The following SWAP70 variants were observed in gnomAD, a reference collection of about 807,000 sequenced individuals.
SWAP70 encodes the protein switch-associated protein 70.
SWAP70 carries 34 observed loss-of-function variants against 80.2 expected under a neutral mutation model. The ratio of observed to expected loss-of-function variants is 0.42; its 90% CI spans 0.32 to 0.56. The LOEUF (loss-of-function observed/expected upper bound fraction) is 0.56, where lower values mean the gene tolerates loss of function less well. Ranked by LOEUF, SWAP70 falls within the 20% of genes least tolerant of loss-of-function variation. The probability of loss-of-function intolerance (pLI) is 0.09; values close to 1 mark genes in which losing one functional copy is unlikely to be tolerated. For synonymous variants in SWAP70, 239 were observed against 238.5 expected (o/e 1.00, Z -0.02); for missense variants, 578 against 690.7 (o/e 0.84, Z 1.83).
Position 9,664,125 on chromosome 11 carries a change from G to A in SWAP70, c.-55G>A. 1.3e-6 allele frequency: 2 copies of A among 1,505,952 alleles called. No individual in the cohort carries two copies. Among genetic ancestry groups the A allele is most frequent in the Non-Finnish European group, 1.8e-6 (2 of 1,122,458 alleles). 93.3% of individuals were successfully genotyped at this position (1,505,952 alleles called of 1,614,324 possible). A position where few individuals can be genotyped will look rare whatever the true frequency, so the allele number is the denominator to read the frequency against. ...GCTGCGGAGGTTGAGGGGCGTCCGA[G>A]GCGCGGAGGGGCTGGCTGGGCAGGA... On this transcript the variant is annotated 5_prime_UTR_variant, in exon 1 of 12. Coordinates refer to ENST00000318950, the MANE Select transcript of SWAP70 (RefSeq NM_015055.4).
intron 2 of SWAP70, among the ~76,000 whole-genome samples, chr11:9,712,850 C>T (rs1484302238): frequency 6.6e-6 from 1 of 151,782 alleles, no homozygotes; most frequent in African/African-American, 2.4e-5. Flanking sequence ...GCATGCGCCA[C>T]CACGCCCGGC....
intron 9 of SWAP70, among the ~76,000 whole-genome samples, chr11:9,744,192 G>C (rs1851480942): frequency 1.3e-5 from 2 of 152,154 alleles, no homozygotes; most frequent in South Asian, 4.1e-4. Flanking sequence ...TTGATCTCCT[G>C]ACCTCGTGAT....
Position 9,685,173 on chromosome 11 carries a change from G to A in SWAP70, c.100-8973G>A, listed in dbSNP as rs1054386632. On this transcript the variant is annotated intron_variant, in intron 1 of 11. Coordinates refer to ENST00000318950, the MANE Select transcript of SWAP70 (RefSeq NM_015055.4). ...TCTGTGCCGAGGCTGGAGTGCAGTA[G>A]CACCATCTCGGCCTGCCACAACCTC... 5.9e-4 allele frequency among the ~76,000 whole-genome samples: 90 copies of A among 151,382 alleles called. No individual in the cohort carries two copies. The Middle Eastern group carries it at 0.01, about 17-fold the overall frequency.
chr11:9,681,319 A>C (rs1244025685), intron 1 of SWAP70: 1 of 152,242 alleles, frequency 6.6e-6, no homozygotes, highest in East Asian at 1.9e-4. Flanking sequence ...TTTAAAGCAT[A>C]GTGGAGAATT....
intron 2 of SWAP70, chr11:9,703,371 C>T (rs544075164): frequency 1.1e-5 from 5 of 456,260 alleles, no homozygotes; most frequent in South Asian, 4.6e-5. Context: ...AGTGCAATCA[C>T]GTTGGCCTTC....
chr11:9,711,072 TA>T (rs1368508353), intron 2 of SWAP70, among the ~76,000 whole-genome samples: 2 of 151,738 alleles, frequency 1.3e-5, no homozygotes, highest in Non-Finnish European at 2.9e-5. Context: ...TTTATTTTTT[TA>T]AACATTGTTT....
rs897231035 is a variant in SWAP70, at chr11:9,698,105, T to G, written c.240+3819T>G. ...CTGGCCAATACATGTTTTTTGTTTT[T>G]TTTTTTTTTTTTTGAGACCAGGTCT... On this transcript the variant is annotated intron_variant, in intron 2 of 11. Coordinates refer to ENST00000318950, the MANE Select transcript of SWAP70 (RefSeq NM_015055.4). 8.5e-4 allele frequency among the ~76,000 whole-genome samples: 125 copies of G among 146,976 alleles called. 1 individual carries two copies. The highest frequency in any genetic ancestry group is 3.0e-3 in the African/African-American group (121 of 40,198).
intron 1 of SWAP70, among the ~76,000 whole-genome samples, chr11:9,674,746 C>T (rs1312237925): frequency 3.3e-5 from 5 of 151,730 alleles, no homozygotes; most frequent in Non-Finnish European, 7.4e-5. Context: ...GGGCGGATCA[C>T]GAGGTCAGGA....
intron 1 of SWAP70, among the ~76,000 whole-genome samples, chr11:9,674,653 G>A (rs2134423865): frequency 6.6e-6 from 1 of 152,142 alleles, no homozygotes; most frequent in South Asian, 2.1e-4. Flanking sequence ...GGGTGACAGA[G>A]CAAGACTTTG....
At chr11:9,747,001 C>G (rs548033546) in intron 9 of SWAP70, among the ~76,000 whole-genome samples, 6 of 152,276 alleles carry the variant, frequency 3.9e-5, no homozygotes, top group African/African-American at 1.4e-4. Flanking sequence ...GACTTTGTTA[C>G]CATAATATTG....
intron 1 of SWAP70, among the ~76,000 whole-genome samples, chr11:9,669,334 A>G (rs761687954): frequency 6.6e-6 from 1 of 152,094 alleles, no homozygotes; most frequent in Non-Finnish European, 1.5e-5. Context: ...GGTTCAAGAG[A>G]TTCTTCTGCT....
At chr11:9,738,162 T>C in intron 7 of SWAP70, 51 bp from the exon 8 acceptor site, 3 of 1,327,090 alleles carry the variant, frequency 2.3e-6, no homozygotes, top group East Asian at 2.4e-5. Context: ...CTCTTTAATG[T>C]ACTTCTACTC....
At chr11:9,738,009 T>A (rs535564981) in intron 7 of SWAP70, among the ~76,000 whole-genome samples, 3 of 152,256 alleles carry the variant, frequency 2.0e-5, no homozygotes, top group Non-Finnish European at 4.4e-5. Context: ...CAATAGTCTT[T>A]CATTTACCTA....
chr11:9,726,690 C>T (rs1209185652), intron 4 of SWAP70, among the ~76,000 whole-genome samples: 2 of 152,216 alleles, frequency 1.3e-5, no homozygotes, highest in Non-Finnish European at 2.9e-5. Flanking sequence ...CATGCGCTAT[C>T]AGCACCTGTA....
chr11:9,710,478 A>G (rs1389351812), intron 2 of SWAP70, among the ~76,000 whole-genome samples: 1 of 152,122 alleles, frequency 6.6e-6, no homozygotes, highest in Non-Finnish European at 1.5e-5. Flanking sequence ...TGGTTTGCCA[A>G]CTACAAATTA....
chr11:9,695,516 A>G (rs768772481), intron 2 of SWAP70, among the ~76,000 whole-genome samples: 11 of 151,876 alleles, frequency 7.2e-5, no homozygotes, highest in Non-Finnish European at 1.0e-4. Flanking sequence ...AAACTAACAC[A>G]GTAACAGAAA....
intron 2 of SWAP70, chr11:9,703,306 T>C (rs2134457916): frequency 2.2e-6 from 1 of 454,560 alleles, no homozygotes; most frequent in Non-Finnish European, 4.4e-6. Flanking sequence ...GGATATACCA[T>C]GTTTTATTTA....
At chr11:9,724,496 T>G (rs1016026302) in intron 3 of SWAP70, among the ~76,000 whole-genome samples, 162 bp from the exon 4 acceptor site, 3 of 152,256 alleles carry the variant, frequency 2.0e-5, no homozygotes, top group African/African-American at 7.2e-5. Context: ...GCATTTTATT[T>G]ATACTTCTCT....
At chr11:9,717,654 T>G (rs1851083047) in intron 3 of SWAP70, among the ~76,000 whole-genome samples, 1 of 122,240 alleles carries the variant, frequency 8.2e-6, no homozygotes, top group African/African-American at 3.0e-5. Context: ...AGCCAGACCT[T>G]GTCTCAAAAA....
Sources: gnomAD v4.1 joint callset for allele counts (sites outside exome capture counted in the v4.1 genomes callset) on GRCh38, gnomAD v4.1.1 for gene constraint, MANE v1.5 for transcripts, NCBI Gene and HGNC (gene_info 2026-07-23, HGNC 2026-07-21) for gene names.